Variants in BTBD9 observed in about 807,000 individuals in gnomAD.
The protein encoded by BTBD9 is BTB/POZ domain-containing protein 9.
BTBD9 carries 49 observed loss-of-function variants against 64.3 expected under a neutral mutation model. That is an observed-to-expected ratio of 0.76 (90% CI 0.61 to 0.97). BTBD9 has a LOEUF of 0.97. Ranked by LOEUF, BTBD9 falls within the 50% of genes least tolerant of loss-of-function variation. The pLI, the probability that BTBD9 is intolerant of heterozygous loss-of-function variation, is 0.00. For missense variants in BTBD9, 598 were observed against 762.1 expected, an observed-to-expected ratio of 0.78 and a Z score of 2.53; for synonymous variants, 260 against 274.7, an observed-to-expected ratio of 0.95 and a Z score of 0.53.
chr6:38,388,201 T>C (rs1304720328), intron 6 of BTBD9, among the ~76,000 whole-genome samples: 1 of 147,340 alleles, frequency 6.8e-6, no homozygotes, highest in Non-Finnish European at 1.5e-5. Context: ...AAAATGCTTC[T>C]GGTGTAACTG....
At chr6:38,176,168 CG>C (rs1210521551) in intron 10 of BTBD9, among the ~76,000 whole-genome samples, 1 of 152,068 alleles carries the variant, frequency 6.6e-6, no homozygotes, top group Non-Finnish European at 1.5e-5. Context: ...GAGAGAAGGG[CG>C]GGGTGGGGGC....
At chr6:38,433,916 T>C (rs987500396) in intron 6 of BTBD9, among the ~76,000 whole-genome samples, 3 of 151,978 alleles carry the variant, frequency 2.0e-5, no homozygotes, top group Non-Finnish European at 2.9e-5. Context: ...ACTCAATCGC[T>C]ATTTGCTGAA....
At chr6:38,489,121 C>A (rs1771586350) in intron 6 of BTBD9, among the ~76,000 whole-genome samples, 4 of 152,064 alleles carry the variant, frequency 2.6e-5, no homozygotes, top group Admixed American at 2.6e-4. Flanking sequence ...GTCTTGAATT[C>A]CTGGGCTCAA....
intron 6 of BTBD9, among the ~76,000 whole-genome samples, chr6:38,374,222 CTGTG>C (rs1765543953): frequency 4.3e-5 from 6 of 140,930 alleles, no homozygotes; most frequent in Admixed American, 2.9e-4. Flanking sequence ...TGAGCCGAGA[CTGTG>C]CCACCGTACT....
chr6:38,457,032 C>A (rs977128856), intron 6 of BTBD9, among the ~76,000 whole-genome samples: 2 of 152,106 alleles, frequency 1.3e-5, no homozygotes, highest in Middle Eastern at 3.4e-3. Flanking sequence ...AGAAGAATAT[C>A]CAGCGAGAGA....
chr6:38,579,200 C>G (rs540707156), intron 5 of BTBD9, among the ~76,000 whole-genome samples: 1 of 152,326 alleles, frequency 6.6e-6, no homozygotes, highest in South Asian at 2.1e-4. Context: ...GAAATGCTGA[C>G]TCACACTTCA....
At chr6:38,495,477 C>CT (rs1771911510) in intron 6 of BTBD9, among the ~76,000 whole-genome samples, 1 of 152,196 alleles carries the variant, frequency 6.6e-6, no homozygotes, top group Non-Finnish European at 1.5e-5. Context: ...AAAATTTCAT[C>CT]TATGAAAAAC....
At position 38,520,167 on chromosome 6, in the gene BTBD9, T is replaced by C. The variant is rs1317294669; in HGVS notation, c.1154+57433A>G. On this transcript the variant is annotated intron_variant, in intron 6 of 10. Transcript: ENST00000481247. ...AAAAATCACATGAAAATACACAAAATTGTCGGCCAGGCACAGTGGCTCACA... is the reference window on the plus strand; with the variant it reads ...AAAAATCACATGAAAATACACAAAACTGTCGGCCAGGCACAGTGGCTCACA... Among the ~76,000 whole-genome samples the C allele has an allele frequency of 8.6e-5, 13 of 151,906 alleles. No individual in the cohort carries two copies. The East Asian group carries it at 2.1e-3, about 25-fold the overall frequency.
At chr6:38,448,861 C>T (rs954241726) in intron 6 of BTBD9, among the ~76,000 whole-genome samples, 1 of 152,180 alleles carries the variant, frequency 6.6e-6, no homozygotes, top group Non-Finnish European at 1.5e-5. Context: ...TTCCATTCAG[C>T]CCCTTGTCCC....
intron 6 of BTBD9, among the ~76,000 whole-genome samples, chr6:38,400,545 C>T (rs1187028491): frequency 6.6e-6 from 1 of 152,126 alleles, no homozygotes; most frequent in Non-Finnish European, 1.5e-5. Context: ...CTTTCCTCCG[C>T]CTTTTGTAAC....
intron 6 of BTBD9, among the ~76,000 whole-genome samples, chr6:38,455,241 A>G (rs2127343242): frequency 6.6e-6 from 1 of 152,322 alleles, no homozygotes; most frequent in South Asian, 2.1e-4. Flanking sequence ...AAACAGATCC[A>G]TTACCCCAAA....
intron 5 of BTBD9, among the ~76,000 whole-genome samples, chr6:38,579,831 A>G (rs1463029784): frequency 6.6e-6 from 1 of 152,192 alleles, no homozygotes; most frequent in Admixed American, 6.5e-5. Context: ...TTGTATATCT[A>G]ATCTTCATTT....
chr6:38,587,664 T>C (rs769295562), intron 4 of BTBD9: 6 of 611,522 alleles, frequency 9.8e-6, no homozygotes, highest in African/African-American at 1.9e-5. Flanking sequence ...TGACAGAACT[T>C]TGAAATAAAG....
intron 8 of BTBD9, among the ~76,000 whole-genome samples, chr6:38,261,845 A>T (rs577062344): frequency 3.3e-4 from 50 of 152,284 alleles, no homozygotes; most frequent in South Asian, 2.3e-3. Flanking sequence ...AGGGACACTG[A>T]CGGATCTCAG....
chr6:38,479,367 T>C (rs9470886), intron 6 of BTBD9, among the ~76,000 whole-genome samples: 4 of 151,156 alleles, frequency 2.6e-5, no homozygotes, highest in South Asian at 4.2e-4. Context: ...AATTGAAAGA[T>C]AGAAAGGAGG....
At chr6:38,328,150 A>C (rs1763512475) in intron 7 of BTBD9, among the ~76,000 whole-genome samples, 1 of 152,240 alleles carries the variant, frequency 6.6e-6, no homozygotes, top group Non-Finnish European at 1.5e-5. Context: ...AAATGTAATA[A>C]AAACCCAATA....
intron 9 of BTBD9, among the ~76,000 whole-genome samples, chr6:38,224,110 G>C (rs1031981753): frequency 6.6e-6 from 1 of 152,118 alleles, no homozygotes; most frequent in Non-Finnish European, 1.5e-5. Flanking sequence ...CTACTTTGGG[G>C]GCTGAGGTGG....
At chr6:38,504,396 C>A in intron 6 of BTBD9, 1 of 356,002 alleles carries the variant, frequency 2.8e-6, no homozygotes, top group Non-Finnish European at 5.6e-6. Flanking sequence ...TTACCACTAC[C>A]CAAACTACAA....
At chr6:38,327,208 T>C (rs1582235455) in intron 7 of BTBD9, among the ~76,000 whole-genome samples, 1 of 152,152 alleles carries the variant, frequency 6.6e-6, no homozygotes, top group East Asian at 1.9e-4. Context: ...AATGCAGCTA[T>C]AAAAGAAACA....
Sources: allele counts gnomAD v4.1 joint callset (sites outside exome capture counted in the v4.1 genomes callset), GRCh38; gene constraint gnomAD v4.1.1; transcripts MANE v1.5; gene names NCBI Gene and HGNC (gene_info 2026-07-23, HGNC 2026-07-21).